MME: variants seen among roughly 807,000 people sequenced by gnomAD.
MME encodes membrane metalloendopeptidase, also known as neprilysin.
In MME, 98 loss-of-function variants were observed where a neutral mutation model predicts 113.2. That is an observed-to-expected ratio of 0.87 (90% confidence interval 0.74 to 1.02). MME has a LOEUF of 1.02. Ranked by LOEUF, MME falls within the 50% of genes least tolerant of loss-of-function variation. MME has a pLI of 0.00. For missense variants in MME, 836 were observed against 896.0 expected, an observed-to-expected ratio of 0.93 and a Z score of 0.86; for synonymous variants, 292 against 300.6, an observed-to-expected ratio of 0.97 and a Z score of 0.30.
chr3:155,052,264 G>T (rs1256776963), intron 1 of MME, among the ~76,000 whole-genome samples: 1 of 152,048 alleles, frequency 6.6e-6, no homozygotes, highest in Non-Finnish European at 1.5e-5. Flanking sequence ...TCCCATTCTG[G>T]GATCTGGAAG....
At chr3:155,146,035 C>A (rs542925191) in intron 14 of MME, among the ~76,000 whole-genome samples, 2 of 151,822 alleles carry the variant, frequency 1.3e-5, no homozygotes, top group South Asian at 4.2e-4. Flanking sequence ...ACAGGCTAAA[C>A]CCCCCATGAA....
chr3:155,095,257 C>T (rs1205606621), intron 3 of MME, among the ~76,000 whole-genome samples: 1 of 152,152 alleles, frequency 6.6e-6, no homozygotes, highest in Non-Finnish European at 1.5e-5. Flanking sequence ...TGGATATTTG[C>T]ATTTTTAAAA....
chr3:155,057,913 T>C (rs1001936465), intron 1 of MME, among the ~76,000 whole-genome samples: 14 of 152,282 alleles, frequency 9.2e-5, no homozygotes, highest in African/African-American at 3.4e-4. Context: ...GCTGCCATAC[T>C]AAATTATTCT....
chr3:155,093,369 C>G (rs1716455249), intron 3 of MME, among the ~76,000 whole-genome samples: 1 of 152,016 alleles, frequency 6.6e-6, no homozygotes. Flanking sequence ...TGTTGGAAGT[C>G]CTGTTTTCAC....
chr3:155,131,338 G>A (rs999526117), intron 8 of MME, among the ~76,000 whole-genome samples: 2 of 152,148 alleles, frequency 1.3e-5, no homozygotes, highest in African/African-American at 2.4e-5. Context: ...TCAGTGATAC[G>A]TGGCGGAGCT....
intron 3 of MME, among the ~76,000 whole-genome samples, chr3:155,093,650 G>A (rs1716482955): frequency 6.6e-6 from 1 of 152,078 alleles, no homozygotes; most frequent in African/African-American, 2.4e-5. Context: ...GAGGTCAGGA[G>A]TTCAAGACCA....
rs867416716 is a variant in MME, at chr3:155,057,184, C to T, written c.-10-26974C>T. ...AACCTACAAAATGGGAGAAAATTTT[C>T]GCAACCTACTCATCTGACAAAGGGC... On this transcript the variant is annotated intron_variant, in intron 1 of 22. Coordinates refer to the MME transcript ENST00000492661. Among the ~76,000 whole-genome samples the T allele has an allele frequency of 6.9e-4, 105 of 152,096 alleles. 1 individual carries two copies. The highest frequency in any genetic ancestry group is 2.3e-3 in the African/African-American group (95 of 41,510).
chr3:155,115,037 T>C lies in MME; in HGVS notation c.240T>C (p.Cys80=), dbSNP rs2108251163. 1 of 1,614,136 alleles carries C rather than the reference T, an allele frequency of 6.2e-7. No individual in the cohort carries two copies. The highest frequency in any genetic ancestry group is 8.5e-7 in the Non-Finnish European group (1 of 1,180,008). The change falls in exon 4 of 23, where the codon TGT becomes TGC. Residue 80 remains cysteine (C), a synonymous_variant. Coordinates refer to ENST00000360490, the MANE Select transcript of MME (RefSeq NM_007289.4). ...ACATGGATGCCACCACTGAGCCTTGTACAGACTTTTTCAAATATGCTTGCG... is the reference window on the plus strand; with the variant it reads ...ACATGGATGCCACCACTGAGCCTTGCACAGACTTTTTCAAATATGCTTGCG... The part of the protein sequence containing the change: ...IQNMDATTEP[C]TDFFKYACGG...
At chr3:155,163,475 T>C (rs1722861641) in intron 17 of MME, among the ~76,000 whole-genome samples, 1 of 152,212 alleles carries the variant, frequency 6.6e-6, no homozygotes, top group Non-Finnish European at 1.5e-5. Flanking sequence ...TTCCTCTTCC[T>C]TGCATGTTTA....
At chr3:155,086,735 A>G (rs926720093) in intron 3 of MME, among the ~76,000 whole-genome samples, 1 of 152,276 alleles carries the variant, frequency 6.6e-6, no homozygotes, top group African/African-American at 2.4e-5. Context: ...TCTAACATCT[A>G]TGTGTCTTAT....
chr3:155,081,490 G>A (rs1229241431), intron 1 of MME: 1 of 152,070 alleles, frequency 6.6e-6, no homozygotes, highest in East Asian at 1.9e-4. Context: ...TCTCGTCTGT[G>A]GCAGTGTCCA....
At chr3:155,112,730 C>T (rs1173488287) in intron 3 of MME, 1 of 152,230 alleles carries the variant, frequency 6.6e-6, no homozygotes, top group Non-Finnish European at 1.5e-5. Context: ...ACTCTGGAGG[C>T]AATGAACTGA....
chr3:155,091,566 GTTT>G (rs1330773217), intron 3 of MME, among the ~76,000 whole-genome samples: 4 of 152,106 alleles, frequency 2.6e-5, no homozygotes, highest in African/African-American at 7.2e-5. Context: ...GAGAATCCTG[GTTT>G]GACATTTAAC....
chr3:155,030,127 G>C (rs1712919978), intron 1 of MME, among the ~76,000 whole-genome samples: 1 of 151,928 alleles, frequency 6.6e-6, no homozygotes, highest in Admixed American at 6.6e-5. Context: ...TATTTGTTCA[G>C]ACAAAAAAGG....
chr3:155,144,585 G>C, intron 14 of MME, 128 bp downstream of exon 14: 1 of 659,738 alleles, frequency 1.5e-6, no homozygotes, highest in South Asian at 1.8e-5. Context: ...TCAATATGTA[G>C]TGTTTCCAGA....
chr3:155,175,828 A>G (rs1011911737), intron 22 of MME, among the ~76,000 whole-genome samples: 1 of 152,150 alleles, frequency 6.6e-6, no homozygotes, highest in African/African-American at 2.4e-5. Flanking sequence ...GCATGCTAAT[A>G]AGCCCTCTTT....
chr3:155,160,915 A>C (rs1722671731), intron 17 of MME, among the ~76,000 whole-genome samples: 1 of 152,056 alleles, frequency 6.6e-6, no homozygotes, highest in Non-Finnish European at 1.5e-5. Context: ...TGTCATCTTC[A>C]TTCAGGAAGG....
intron 8 of MME, among the ~76,000 whole-genome samples, chr3:155,137,517 C>T (rs1268286328): frequency 6.6e-6 from 1 of 151,952 alleles, no homozygotes; most frequent in African/African-American, 2.4e-5. Flanking sequence ...CCAGCCTGGC[C>T]AACATAGTGA....
intron 10 of MME, among the ~76,000 whole-genome samples, chr3:155,140,728 C>A (rs546449338): frequency 6.6e-6 from 1 of 152,000 alleles, no homozygotes; most frequent in Non-Finnish European, 1.5e-5. Context: ...TTTAAGGCAG[C>A]TATACAATAA....
Sources: gnomAD v4.1 joint callset for allele counts (sites outside exome capture counted in the v4.1 genomes callset) on GRCh38, gnomAD v4.1.1 for gene constraint, MANE v1.5 for transcripts, NCBI Gene and HGNC (gene_info 2026-07-23, HGNC 2026-07-21) for gene names.